FAM193A: variants seen among roughly 807,000 people sequenced by gnomAD.
FAM193A encodes protein FAM193A.
FAM193A carries 22 observed loss-of-function variants against 126.5 expected under a neutral mutation model. The observed-to-expected ratio is 0.17, with a 90% CI of 0.12 to 0.25. The LOEUF is 0.25. FAM193A is among the 10% of genes least tolerant of loss of function. The pLI is 1.00. For missense variants in FAM193A, 1,675 were observed against 1,672.8 expected (o/e 1.00, Z -0.02); for synonymous variants, 761 against 646.8 (o/e 1.18, Z -2.68).
In FAM193A at chr4:2,699,445, CCCA is replaced by C. The variant is rs758559524; in HGVS notation, c.3508-233_3508-231del. ...TTTTTTGTTAACTACCACCCCCCCC[CCCA>C]CACACACACACACAAATAAGTAAGC... is the stretch of plus-strand genomic sequence containing the variant. On this transcript the variant is annotated intron_variant, in intron 18 of 20. Coordinates refer to ENST00000637812, the MANE Select transcript of FAM193A (RefSeq NM_001366318.2). 4.0e-4 allele frequency among the ~76,000 whole-genome samples: 35 copies of C among 87,134 alleles called. 2 individuals are homozygous for C. The highest frequency in any genetic ancestry group is 1.1e-3 in the African/African-American group (27 of 23,894). 57.2% of individuals were successfully genotyped at this position (87,134 alleles called of 152,430 possible).
chr4:2,635,892 A>G (rs1168683198), intron 5 of FAM193A, among the ~76,000 whole-genome samples: 1 of 152,166 alleles, frequency 6.6e-6, no homozygotes, highest in African/African-American at 2.4e-5. Flanking sequence ...CTCTCTGTAA[A>G]AGCAGTGGGA....
In FAM193A at chr4:2,694,999, A is replaced by G. The variant is rs1216608065; in HGVS notation, c.3146A>G (p.Gln1049Arg). 1 of 1,609,342 alleles carries G rather than the reference A, an allele frequency of 6.2e-7. No individual in the cohort carries two copies. The highest frequency in any genetic ancestry group is 2.3e-5 in the East Asian group (1 of 44,416). Residue 1049 changes from glutamine to arginine, a missense_variant, in exon 17 of 21, where the codon CAG becomes CGG. Transcript: ENST00000637812. ...RCENGVYDPQ[Q>R]DDGDESADED... Reference sequence around the variant, plus strand: ...GAGAATGGTGTCTACGACCCACAGCAGGATGATGGGGACGAGAGTGCAGAT... The same window carrying G: ...GAGAATGGTGTCTACGACCCACAGCGGGATGATGGGGACGAGAGTGCAGAT...
intron 19 of FAM193A, among the ~76,000 whole-genome samples, chr4:2,701,218 A>G (rs1717694453): frequency 6.6e-6 from 1 of 151,862 alleles, no homozygotes; most frequent in South Asian, 2.1e-4. Flanking sequence ...ACACTGATCC[A>G]ATGCTATTCT....
chr4:2,579,111 C>T (rs1739772987), intron 1 of FAM193A, among the ~76,000 whole-genome samples: 1 of 152,076 alleles, frequency 6.6e-6, no homozygotes, highest in African/African-American at 2.4e-5. Context: ...CCTCCCATCT[C>T]AGCCTCCCAA....
chr4:2,595,380 A>T (rs986400753), intron 1 of FAM193A, among the ~76,000 whole-genome samples: 3 of 152,176 alleles, frequency 2.0e-5, no homozygotes, highest in African/African-American at 7.2e-5. Context: ...TGTGTTTTAA[A>T]GGCTAATTTT....
intron 15 of FAM193A, 104 bp downstream of exon 15, chr4:2,691,074 A>T (rs1449221925): frequency 1.9e-6 from 2 of 1,075,322 alleles, no homozygotes; most frequent in Non-Finnish European, 2.7e-6. Context: ...TACTTGGCCT[A>T]GCCAGAGGCG....
At chr4:2,694,570 C>CT (rs1412004041) in intron 16 of FAM193A, among the ~76,000 whole-genome samples, 1 of 152,100 alleles carries the variant, frequency 6.6e-6, no homozygotes, top group African/African-American at 2.4e-5. Flanking sequence ...CCTGGCCAGA[C>CT]TTTCTTTTTA....
Position 2,682,323 on chromosome 4 carries a change from G to GTGTT in FAM193A, c.2332-7173_2332-7170dup, listed in dbSNP as rs575365449. Among the ~76,000 whole-genome samples, 14 of 152,194 alleles carry GTGTT rather than the reference G, an allele frequency of 9.2e-5. No individual in the cohort carries two copies. The South Asian group carries it at 2.7e-3, about 29-fold the overall frequency. On this transcript the variant is annotated intron_variant, in intron 13 of 20. Coordinates refer to ENST00000637812, the MANE Select transcript of FAM193A (RefSeq NM_001366318.2). The stretch of plus-strand genomic sequence containing the variant: ...AGGTTTCTTGTAGACATGTATAGTT[G>GTGTT]TGTTTGTTTGTTTTTTTATTTTTAG...
intron 13 of FAM193A, among the ~76,000 whole-genome samples, chr4:2,672,714 CTCT>C (rs1236236774): frequency 2.6e-5 from 4 of 152,306 alleles, no homozygotes; most frequent in East Asian, 3.9e-4. Context: ...CCAGGGCTTG[CTCT>C]TCTTCTTAAT....
In FAM193A at chr4:2,695,539, C is replaced by G. The variant is rs10022186; in HGVS notation, c.3276+410C>G. ...CAGAGCTGTGATTTAATTTATACAA[C>G]CAATTATCACCCACTGTTTAAGAGG... On this transcript the variant is annotated intron_variant, in intron 17 of 20. Transcript: ENST00000637812. Among the ~76,000 whole-genome samples, 693 of 152,268 alleles carry G rather than the reference C, an allele frequency of 4.6e-3. 7 individuals are homozygous for G. Among genetic ancestry groups the G allele is most frequent in the African/African-American group, 0.016 (670 of 41,538 alleles).
At chr4:2,592,197 T>C (rs934241608) in intron 1 of FAM193A, among the ~76,000 whole-genome samples, 34 of 152,154 alleles carry the variant, frequency 2.2e-4, no homozygotes, top group African/African-American at 8.2e-4. Context: ...GTTCAAGTGA[T>C]TCTCCTGCCT....
chr4:2,608,682 G>A (rs1170246945), intron 2 of FAM193A, among the ~76,000 whole-genome samples: 3 of 151,996 alleles, frequency 2.0e-5, no homozygotes, highest in Non-Finnish European at 2.9e-5. Context: ...ATTCTATCTC[G>A]GGCCCAGAGG....
intron 15 of FAM193A, among the ~76,000 whole-genome samples, chr4:2,692,117 A>G (rs946663178): frequency 6.6e-6 from 1 of 152,256 alleles, no homozygotes; most frequent in Non-Finnish European, 1.5e-5. Flanking sequence ...TCACACTGCT[A>G]TGAAGAAATA....
rs1412963378 is a variant in FAM193A, at chr4:2,596,102, A to G, written c.274A>G (p.Met92Val). The change falls in exon 2 of 21, where the codon ATG becomes GTG. Residue 92 changes from methionine (M) to valine (V), a missense_variant. Coordinates refer to ENST00000637812, the MANE Select transcript of FAM193A (RefSeq NM_001366318.2). Reference protein sequence around the residue: ...GYFETPFSFGMNHRTPPYPAG... With the variant: ...GYFETPFSFGVNHRTPPYPAG... Reference sequence around the variant, plus strand: ...ATTCCAGACTCCTTTTAGTTTTGGCATGAATCATAGGACACCACCCTACCC... The same window carrying G: ...ATTCCAGACTCCTTTTAGTTTTGGCGTGAATCATAGGACACCACCCTACCC... 4 of 702,026 alleles carry G rather than the reference A, an allele frequency of 5.7e-6. No individual in the cohort carries two copies. The highest frequency in any genetic ancestry group is 1.0e-5 in the Non-Finnish European group (4 of 384,496). The allele number at this position is 702,026 out of a possible 1,614,324, so 43.5% of individuals were successfully genotyped here. A position where few individuals can be genotyped will look rare whatever the true frequency, so the allele number is the denominator to read the frequency against.
chr4:2,646,377 G>A (rs534165752), intron 6 of FAM193A, among the ~76,000 whole-genome samples: 153 of 151,802 alleles, frequency 1.0e-3, no homozygotes, highest in African/African-American at 3.5e-3. Flanking sequence ...TCACCATATT[G>A]GTCATGCTGG....
chr4:2,623,636 A>G (rs1301872749), intron 2 of FAM193A, among the ~76,000 whole-genome samples: 1 of 152,166 alleles, frequency 6.6e-6, no homozygotes, highest in Non-Finnish European at 1.5e-5. Flanking sequence ...AGACTGGGGT[A>G]GTGCAAGCAT....
At chr4:2,613,383 T>C (rs1304806718) in intron 2 of FAM193A, among the ~76,000 whole-genome samples, 9 of 151,854 alleles carry the variant, frequency 5.9e-5, no homozygotes, top group Non-Finnish European at 1.2e-4. Context: ...TTCAGCTTTT[T>C]TTTTTTTTTT....
intron 2 of FAM193A, among the ~76,000 whole-genome samples, chr4:2,611,331 C>T (rs1338398282): frequency 1.3e-5 from 2 of 152,104 alleles, no homozygotes; most frequent in Non-Finnish European, 2.9e-5. Context: ...TGCAGTGGCT[C>T]AATCTCGGCT....
intron 19 of FAM193A, among the ~76,000 whole-genome samples, chr4:2,714,824 A>T (rs1175028885): frequency 1.3e-5 from 2 of 151,962 alleles, no homozygotes; most frequent in African/African-American, 4.8e-5. Context: ...GGAAATGGAG[A>T]CTCACCTTTA....
Sources: allele counts gnomAD v4.1 joint callset (sites outside exome capture counted in the v4.1 genomes callset), GRCh38; gene constraint gnomAD v4.1.1; transcripts MANE v1.5; gene names NCBI Gene and HGNC (gene_info 2026-07-23, HGNC 2026-07-21).